Variants in BBS9 observed in about 807,000 individuals in gnomAD.
The protein encoded by BBS9 is Bardet-Biedl syndrome 9, also known as protein PTHB1.
In BBS9, 89 loss-of-function variants were observed where a neutral mutation model predicts 117.7. That is an observed-to-expected ratio of 0.76 (90% CI 0.64 to 0.90). The LOEUF is 0.90. BBS9 is among the 40% of genes least tolerant of loss of function. BBS9 has a pLI of 0.00. For synonymous variants in BBS9, 379 were observed against 370.9 expected (o/e 1.02, Z -0.25); for missense variants, 982 against 1,042.2 (o/e 0.94, Z 0.80).
chr7:33,393,913 C>G (rs1178541629), intron 19 of BBS9, among the ~76,000 whole-genome samples: 1 of 152,098 alleles, frequency 6.6e-6, no homozygotes, highest in Non-Finnish European at 1.5e-5. Context: ...CACTTCCCTC[C>G]CTATTTTCAA....
Position 33,531,974 on chromosome 7 carries a change from T to C in BBS9, c.2299-1980T>C, listed in dbSNP as rs139523455. 1.4e-3 allele frequency among the ~76,000 whole-genome samples: 220 copies of C among 152,346 alleles called. 1 individual carries two copies. The highest frequency in any genetic ancestry group is 5.2e-3 in the African/African-American group (216 of 41,582). Reference sequence around the variant, plus strand: ...TCACCATCTCTGTGCAGCAAACATATTTCTTGACCATCCTCTGTATACCAA... The same window carrying C: ...TCACCATCTCTGTGCAGCAAACATACTTCTTGACCATCCTCTGTATACCAA... On this transcript the variant is annotated intron_variant, in intron 20 of 22. Coordinates refer to ENST00000242067, the MANE Select transcript of BBS9 (RefSeq NM_198428.3).
intron 21 of BBS9, among the ~76,000 whole-genome samples, chr7:33,579,889 G>A (rs1442924673): frequency 6.6e-6 from 1 of 152,106 alleles, no homozygotes; most frequent in Non-Finnish European, 1.5e-5. Flanking sequence ...TATAATGTTT[G>A]CTTCATACCT....
chr7:33,556,761 C>A (rs1563355924), intron 21 of BBS9, among the ~76,000 whole-genome samples: 1 of 152,156 alleles, frequency 6.6e-6, no homozygotes, highest in Non-Finnish European at 1.5e-5. Flanking sequence ...CACAGAACTG[C>A]TCTAAGGTCT....
intron 17 of BBS9, 56 bp downstream of exon 17, chr7:33,367,918 C>A: frequency 7.6e-7 from 1 of 1,322,470 alleles, no homozygotes; most frequent in Non-Finnish European, 1.1e-6. Flanking sequence ...GATACCACAT[C>A]ACAGAGGATA....
intron 21 of BBS9, among the ~76,000 whole-genome samples, chr7:33,547,546 G>A (rs1853604487): frequency 6.6e-6 from 1 of 152,124 alleles, no homozygotes; most frequent in African/African-American, 2.4e-5. Flanking sequence ...TTTTAAAAAG[G>A]AAAGCTTAGT....
chr7:33,509,394 A>G (rs1266240766), intron 20 of BBS9, among the ~76,000 whole-genome samples: 3 of 152,242 alleles, frequency 2.0e-5, no homozygotes, highest in Admixed American at 1.3e-4. Context: ...TGAAAATGAA[A>G]TATGCAAACC....
intron 5 of BBS9, among the ~76,000 whole-genome samples, chr7:33,203,126 G>A (rs1428665034): frequency 6.6e-6 from 1 of 152,182 alleles, no homozygotes; most frequent in African/African-American, 2.4e-5. Context: ...GTCCTCAGCT[G>A]CTTGGTAGGT....
At chr7:33,491,848 G>A (rs1475753562) in intron 19 of BBS9, among the ~76,000 whole-genome samples, 7 of 152,128 alleles carry the variant, frequency 4.6e-5, no homozygotes. Context: ...AGGCCAAAGG[G>A]AGTGTTATTA....
At chr7:33,247,078 A>ATG (rs139817337) in intron 5 of BBS9, among the ~76,000 whole-genome samples, 3,758 of 151,248 alleles carry the variant, frequency 0.025, 67 homozygotes, top group Middle Eastern at 0.044. Flanking sequence ...GTGTATATGT[A>ATG]TGTGTGTGTG....
chr7:33,539,373 G>A (rs1851923870), intron 21 of BBS9, among the ~76,000 whole-genome samples: 1 of 152,170 alleles, frequency 6.6e-6, no homozygotes, highest in Admixed American at 6.5e-5. Context: ...ATTATATAAT[G>A]CACAGGATTG....
chr7:33,324,756 GA>G (rs1388149349), intron 9 of BBS9, among the ~76,000 whole-genome samples: 2 of 151,836 alleles, frequency 1.3e-5, no homozygotes, highest in Non-Finnish European at 2.9e-5. Context: ...ACTATTCTAG[GA>G]AAAAGTCTTT....
At chr7:33,549,610 G>A (rs1854024200) in intron 21 of BBS9, among the ~76,000 whole-genome samples, 3 of 150,374 alleles carry the variant, frequency 2.0e-5, no homozygotes, top group Admixed American at 2.0e-4. Flanking sequence ...ATCAAAAAGT[G>A]GGCAAAGGAC....
chr7:33,416,402 A>G (rs1006688110), intron 19 of BBS9, among the ~76,000 whole-genome samples: 1 of 151,884 alleles, frequency 6.6e-6, no homozygotes, highest in Non-Finnish European at 1.5e-5. Flanking sequence ...AAAACTATAA[A>G]AAGAAAGAGA....
intron 5 of BBS9, among the ~76,000 whole-genome samples, chr7:33,208,598 G>A (rs1236316420): frequency 6.6e-6 from 1 of 152,158 alleles, no homozygotes; most frequent in African/African-American, 2.4e-5. Context: ...TCAATACCCT[G>A]AAGTTTGTGG....
At chr7:33,187,974 A>G (rs543089960) in intron 5 of BBS9, among the ~76,000 whole-genome samples, 2 of 152,084 alleles carry the variant, frequency 1.3e-5, no homozygotes, top group East Asian at 3.9e-4. Context: ...ATCTAGGAGT[A>G]ATAAAGATGA....
At chr7:33,151,850 CTT>C (rs11346140) in intron 2 of BBS9, among the ~76,000 whole-genome samples, 12 of 82,334 alleles carry the variant, frequency 1.5e-4, no homozygotes, top group Non-Finnish European at 1.9e-4. Flanking sequence ...TGCACCCAGC[CTT>C]TTTTTTTTTT....
At chr7:33,152,587 A>C in intron 2 of BBS9, 114 bp from the exon 3 acceptor site, 1 of 1,020,488 alleles carries the variant, frequency 9.8e-7, no homozygotes, top group Non-Finnish European at 1.4e-6. Flanking sequence ...ATAAAGCAAG[A>C]CTGAATTCTT....
At chr7:33,595,644 A>G (rs1862626464) in intron 21 of BBS9, among the ~76,000 whole-genome samples, 1 of 152,190 alleles carries the variant, frequency 6.6e-6, no homozygotes, top group Non-Finnish European at 1.5e-5. Flanking sequence ...TTAAGGATCT[A>G]GAACCACAAA....
intron 10 of BBS9, among the ~76,000 whole-genome samples, chr7:33,339,472 A>G (rs1488251382): frequency 5.3e-5 from 8 of 152,312 alleles, no homozygotes. Flanking sequence ...TAAGTTATGG[A>G]AATTCCCATT....
Sources: gnomAD v4.1 joint callset for allele counts (sites outside exome capture counted in the v4.1 genomes callset) on GRCh38, gnomAD v4.1.1 for gene constraint, MANE v1.5 for transcripts, NCBI Gene and HGNC (gene_info 2026-07-23, HGNC 2026-07-21) for gene names.